The following ODAD1 variants were observed in gnomAD, a reference collection of about 807,000 sequenced individuals.
The protein encoded by ODAD1 is outer dynein arm-docking complex subunit 1.
A neutral mutation model predicts 67.2 loss-of-function variants in ODAD1; 49 were observed. That is an observed-to-expected ratio of 0.73 (90% confidence interval 0.58 to 0.92). The LOEUF is 0.92. Ranked by LOEUF, ODAD1 falls within the 40% of genes least tolerant of loss-of-function variation. ODAD1 has a pLI of 0.00. For synonymous variants in ODAD1, 345 were observed against 393.7 expected (o/e 0.88, Z 1.46); for missense variants, 897 against 953.7 (o/e 0.94, Z 0.78).
At chr19:48,313,815 C>T (rs554931791) in intron 5 of ODAD1, among the ~76,000 whole-genome samples, 32 of 151,724 alleles carry the variant, frequency 2.1e-4, no homozygotes, top group African/African-American at 6.3e-4. Context: ...ACAAGGAGCT[C>T]GAAGCTGCAG....
intron 5 of ODAD1, among the ~76,000 whole-genome samples, chr19:48,317,773 G>T (rs764027182): frequency 4.6e-5 from 7 of 151,664 alleles, no homozygotes; most frequent in African/African-American, 7.3e-5. Flanking sequence ...CTGCCCCCCG[G>T]GTTTAAACGA....
intron 5 of ODAD1, among the ~76,000 whole-genome samples, chr19:48,313,358 G>C (rs1600870497): frequency 6.8e-6 from 1 of 146,538 alleles, no homozygotes; most frequent in Non-Finnish European, 1.5e-5. Context: ...AACCCAGGAG[G>C]AGAGGTTGCA....
At chr19:48,311,073 G>A (rs1385586787) in intron 7 of ODAD1, among the ~76,000 whole-genome samples, 2 of 152,152 alleles carry the variant, frequency 1.3e-5, no homozygotes, top group Non-Finnish European at 2.9e-5. Context: ...TTAGCTGGGC[G>A]TGGTGGCAGG....
At position 48,308,277 on chromosome 19, in the gene ODAD1, T is replaced by C. The variant is rs564099681; in HGVS notation, c.598-1954A>G. Among the ~76,000 whole-genome samples the C allele has an allele frequency of 1.8e-4, 28 of 152,006 alleles. No homozygotes were observed. The East Asian group carries it at 5.2e-3, about 28-fold the overall frequency. ...GCAGCCTCCAGCTCCCTGGTTCAAGTGATTCTCCTGCCTCAGCCTCCCAAG... is the reference window on the plus strand; with the variant it reads ...GCAGCCTCCAGCTCCCTGGTTCAAGCGATTCTCCTGCCTCAGCCTCCCAAG... On this transcript the variant is annotated intron_variant, in intron 7 of 15. Transcript: ENST00000674294.
intron 5 of ODAD1, among the ~76,000 whole-genome samples, chr19:48,317,308 C>T (rs529685117): frequency 2.0e-5 from 3 of 152,102 alleles, no homozygotes; most frequent in South Asian, 2.1e-4. Flanking sequence ...GTATGAACTA[C>T]ACCTCATGAG....
chr19:48,314,786 C>A (rs1032615915), intron 5 of ODAD1, among the ~76,000 whole-genome samples: 3 of 151,860 alleles, frequency 2.0e-5, no homozygotes, highest in Non-Finnish European at 4.4e-5. Context: ...ACTAAAAATA[C>A]AAAAATTAGC....
At chr19:48,305,904 C>CT in intron 8 of ODAD1, among the ~76,000 whole-genome samples, 1 of 151,918 alleles carries the variant, frequency 6.6e-6, no homozygotes, top group East Asian at 2.0e-4. Flanking sequence ...ACTAAAAATA[C>CT]AAAAATTAGC....
chr19:48,318,588 G>C lies in ODAD1; in HGVS notation c.171-12C>G, dbSNP rs1968963588. 1 of 1,549,642 alleles carries C rather than the reference G, an allele frequency of 6.5e-7. No individual in the cohort carries two copies. Among genetic ancestry groups the C allele is most frequent in the Non-Finnish European group, 8.7e-7 (1 of 1,145,452 alleles). ...GCCGGATCTCCTCACTACCCAGGCA[G>C]GGAGGTGGAAGAGGGGCCAGTAAGG... On this transcript the variant is annotated splice_polypyrimidine_tract_variant and intron_variant, in intron 4 of 15. Transcript: ENST00000674294.
At chr19:48,302,639 G>C in intron 12 of ODAD1, 55 bp downstream of exon 12, 1 of 1,492,216 alleles carries the variant, frequency 6.7e-7, no homozygotes, top group Non-Finnish European at 9.1e-7. Flanking sequence ...CGGGCTGATG[G>C]TGTCCTTCCA....
Position 48,296,821 on chromosome 19 carries a change from T to C in ODAD1, c.*155A>G. 1 of 1,426,254 alleles carries C rather than the reference T, an allele frequency of 7.0e-7. No individual in the cohort carries two copies. The highest frequency in any genetic ancestry group is 9.1e-7 in the Non-Finnish European group (1 of 1,096,636). The allele number at this position is 1,426,254 out of a possible 1,614,324, so 88.3% of individuals were successfully genotyped here. ...CCGGGAGACACAGGTGAGGCGGTGA[T>C]GAAGGGCAGATGAAAACAGTTGAAG... On this transcript the variant is annotated 3_prime_UTR_variant, in exon 16 of 16. Transcript: ENST00000674294.
In ODAD1 at chr19:48,306,309, C is replaced by T. The variant is rs760703306; in HGVS notation, c.612G>A (p.Leu204=). The part of the protein sequence containing the change: ...DRKLKKEIHH[L]HHLVSTLILS... ...GGATAAGGGTGCTGACCAGGTGATG[C>T]AGGTGGTGGATCTCCTGTGGGGGGA... is the stretch of plus-strand genomic sequence containing the variant. Residue 204 remains leucine, a synonymous_variant, in exon 8 of 16, where the codon CTG becomes CTA. Transcript: ENST00000674294. 7.7e-6 allele frequency: 12 copies of T among 1,551,292 alleles called. No homozygotes were observed. In the African/African-American group the frequency reaches 1.2e-4, roughly 16 times the overall value.
chr19:48,305,666 A>G (rs1375073226), intron 8 of ODAD1, among the ~76,000 whole-genome samples: 2 of 151,794 alleles, frequency 1.3e-5, no homozygotes, highest in Non-Finnish European at 2.9e-5. Context: ...TTGGCCTCCC[A>G]AAGTGTTGGG....
rs1377322869 is a variant in ODAD1, at chr19:48,296,929, G to T, written c.*47C>A. 13 of 1,506,404 alleles carry T rather than the reference G, an allele frequency of 8.6e-6. No homozygotes were observed. Among genetic ancestry groups the T allele is most frequent in the Non-Finnish European group, 1.1e-5 (12 of 1,136,068 alleles). The allele number at this position is 1,506,404 out of a possible 1,614,324, so 93.3% of individuals were successfully genotyped here. A position where few individuals can be genotyped will look rare whatever the true frequency, so the allele number is the denominator to read the frequency against. ...CAGGGGAAGTAGAGACACAAAAAAA[G>T]ACCCCACAGAGAGCCAGGGCAGGGT... On this transcript the variant is annotated 3_prime_UTR_variant, in exon 16 of 16. Coordinates refer to ENST00000674294, the MANE Select transcript of ODAD1 (RefSeq NM_001364171.2).
intron 5 of ODAD1, among the ~76,000 whole-genome samples, chr19:48,314,861 A>G (rs1569010949): frequency 6.6e-6 from 1 of 151,838 alleles, no homozygotes; most frequent in Non-Finnish European, 1.5e-5. Flanking sequence ...GAATCACTTG[A>G]GCCTGGCCTG....
intron 8 of ODAD1, 146 bp downstream of exon 8, chr19:48,306,110 G>A (rs369193932): frequency 3.0e-5 from 37 of 1,217,448 alleles, no homozygotes; most frequent in South Asian, 1.6e-4. Context: ...AACTGGTGGC[G>A]GGGAGAGAGA....
intron 10 of ODAD1, chr19:48,303,402 A>G: frequency 1.7e-6 from 1 of 602,890 alleles, no homozygotes; most frequent in Non-Finnish European, 2.9e-6. Context: ...AGAAACAGAG[A>G]GGGACAGGGT....
At chr19:48,300,452 A>T (rs981463495) in intron 12 of ODAD1, among the ~76,000 whole-genome samples, 1 of 152,202 alleles carries the variant, frequency 6.6e-6, no homozygotes, top group Non-Finnish European at 1.5e-5. Context: ...AAAACACAGC[A>T]TAATGCCTTT....
intron 2 of ODAD1, among the ~76,000 whole-genome samples, 187 bp from the exon 3 acceptor site, chr19:48,320,578 C>A (rs1969007579): frequency 6.6e-6 from 1 of 152,226 alleles, no homozygotes; most frequent in Admixed American, 6.5e-5. Flanking sequence ...CCAGCCCTCC[C>A]ACCTCTCACA....
At chr19:48,314,150 G>A (rs249369) in intron 5 of ODAD1, among the ~76,000 whole-genome samples, 27,167 of 152,082 alleles carry the variant, frequency 0.18, 2,540 homozygotes, top group Middle Eastern at 0.23. Context: ...GGCTGAGGCA[G>A]GAGAATCGCT....
Sources: allele counts gnomAD v4.1 joint callset (sites outside exome capture counted in the v4.1 genomes callset), GRCh38; gene constraint gnomAD v4.1.1; transcripts MANE v1.5; gene names NCBI Gene and HGNC (gene_info 2026-07-23, HGNC 2026-07-21).